The following RETREG1 variants were observed in gnomAD, a reference collection of about 807,000 sequenced individuals.
The protein encoded by RETREG1 is reticulophagy regulator 1.
Under a neutral mutation model 54.8 loss-of-function variants are expected in RETREG1, and 44 were observed. That is an observed-to-expected ratio of 0.80 (90% CI 0.63 to 1.03). The LOEUF is 1.03. Ranked by LOEUF, RETREG1 falls within the 50% of genes least tolerant of loss-of-function variation. The pLI is 0.00. For synonymous variants in RETREG1, 217 were observed against 238.5 expected (o/e 0.91, Z 0.83); for missense variants, 554 against 605.1 (o/e 0.92, Z 0.89).
At chr5:16,573,735 G>GTTTTTTTTTTTTTT (rs3993826) in intron 1 of RETREG1, among the ~76,000 whole-genome samples, 2 of 122,104 alleles carry the variant, frequency 1.6e-5, no homozygotes, top group Non-Finnish European at 3.4e-5. Flanking sequence ...GGGTTTGTTT[G>GTTTTTTTTTTTTTT]TTTTTTGTTT....
At chr5:16,604,810 A>G (rs1207447563) in intron 1 of RETREG1, among the ~76,000 whole-genome samples, 1 of 152,236 alleles carries the variant, frequency 6.6e-6, no homozygotes, top group African/African-American at 2.4e-5. Flanking sequence ...GCAAACAAAG[A>G]GCACTACACT....
intron 5 of RETREG1, among the ~76,000 whole-genome samples, 192 bp downstream of exon 5, chr5:16,480,817 C>T (rs947064382): frequency 7.9e-5 from 12 of 152,010 alleles, no homozygotes; most frequent in African/African-American, 2.7e-4. Flanking sequence ...CCTTTTGCAG[C>T]TATTCTTCCA....
intron 2 of RETREG1, among the ~76,000 whole-genome samples, chr5:16,566,498 A>G (rs1412435438): frequency 6.6e-6 from 1 of 152,238 alleles, no homozygotes; most frequent in Non-Finnish European, 1.5e-5. Flanking sequence ...ATGCAGCTCA[A>G]TGTAAGAAAT....
chr5:16,492,824 G>A (rs1426190804), intron 3 of RETREG1, among the ~76,000 whole-genome samples: 2 of 152,182 alleles, frequency 1.3e-5, no homozygotes, highest in Admixed American at 6.5e-5. Flanking sequence ...TTCTCTGCAT[G>A]AGCACTCACT....
chr5:16,530,476 T>C (rs995610446), intron 3 of RETREG1, among the ~76,000 whole-genome samples: 8 of 152,216 alleles, frequency 5.3e-5, no homozygotes, highest in African/African-American at 1.9e-4. Context: ...TAAATGTGTA[T>C]AAAGTGGCTT....
intron 3 of RETREG1, among the ~76,000 whole-genome samples, chr5:16,516,960 AAT>A (rs1491277873): frequency 5.9e-5 from 9 of 152,108 alleles, no homozygotes; most frequent in Non-Finnish European, 1.2e-4. Context: ...TGAAAAAAAA[AAT>A]CATAAGATTT....
chr5:16,541,819 G>A (rs971086933), intron 3 of RETREG1, among the ~76,000 whole-genome samples: 1 of 149,446 alleles, frequency 6.7e-6, no homozygotes. Flanking sequence ...GGGGAAGGTA[G>A]GTCAGATAGA....
chr5:16,577,868 C>G (rs146200857), intron 1 of RETREG1, among the ~76,000 whole-genome samples: 1 of 152,192 alleles, frequency 6.6e-6, no homozygotes, highest in African/African-American at 2.4e-5. Context: ...CGATGTAAGA[C>G]GTGTCTTTCA....
rs1388652656 is a variant in RETREG1, at chr5:16,594,552, C to CCATCTCTA, written c.320+22092_320+22099dup. On this transcript the variant is annotated intron_variant, in intron 1 of 8. Coordinates refer to ENST00000306320, the MANE Select transcript of RETREG1 (RefSeq NM_001034850.3). This position sits in a 1 kb window ranked among gnomAD's most constrained non-coding sequence, Gnocchi z 4.4. ...CCAGCCTCACCAACATGGCAAAACC[C>CCATCTCTA]CATCTCTACTAAAAATACAAAAATT... 6.6e-6 allele frequency among the ~76,000 whole-genome samples: 1 copy of CCATCTCTA among 151,878 alleles called. No homozygotes were observed. Among genetic ancestry groups the CCATCTCTA allele is most frequent in the Admixed American group, 6.6e-5 (1 of 15,250 alleles).
intron 3 of RETREG1, among the ~76,000 whole-genome samples, chr5:16,493,421 G>A (rs767190062): frequency 1.3e-5 from 2 of 152,160 alleles, no homozygotes; most frequent in Non-Finnish European, 2.9e-5. Context: ...GAGACCTGCA[G>A]GAGATTCAAC....
chr5:16,552,123 G>C (rs1741561851), intron 3 of RETREG1, among the ~76,000 whole-genome samples: 1 of 152,140 alleles, frequency 6.6e-6, no homozygotes, highest in Non-Finnish European at 1.5e-5. Context: ...GGACTTCTTT[G>C]GTGTGGATGG....
intron 1 of RETREG1, among the ~76,000 whole-genome samples, chr5:16,586,335 G>A (rs1401377501): frequency 6.6e-6 from 1 of 152,194 alleles, no homozygotes; most frequent in Non-Finnish European, 1.5e-5. Context: ...TCACAGCTAG[G>A]TGGAAGGTCT....
At chr5:16,558,293 G>T (rs2617421) in intron 3 of RETREG1, among the ~76,000 whole-genome samples, 53,651 of 151,826 alleles carry the variant, frequency 0.35, 10,493 homozygotes, top group Non-Finnish European at 0.44. Context: ...AACAAAGCGA[G>T]TTTGGCCCTT....
intron 1 of RETREG1, 79 bp downstream of exon 1, chr5:16,616,573 C>A (rs1331706953): frequency 4.2e-5 from 64 of 1,532,420 alleles, no homozygotes; most frequent in Non-Finnish European, 5.5e-5. Flanking sequence ...CGGGCTCCCC[C>A]TGCACTGGGT....
chr5:16,478,729 C>G (rs1738640995), intron 6 of RETREG1, 121 bp downstream of exon 6: 10 of 900,002 alleles, frequency 1.1e-5, no homozygotes, highest in Non-Finnish European at 1.8e-5. Flanking sequence ...GGGAGATTAG[C>G]TTCTATAATA....
chr5:16,541,735 GGGAGGGAAGGAAGGAAGGAA>G (rs1741252194), intron 3 of RETREG1, among the ~76,000 whole-genome samples: 1 of 94,870 alleles, frequency 1.1e-5, no homozygotes, highest in Non-Finnish European at 2.2e-5. Flanking sequence ...AAGAGAGGGA[GGGAGGGAAGGAAGGAAGGAA>G]GGAAGGAAGG....
chr5:16,582,791 G>A (rs1480206790), intron 1 of RETREG1, among the ~76,000 whole-genome samples: 2 of 152,086 alleles, frequency 1.3e-5, no homozygotes, highest in African/African-American at 4.8e-5. Flanking sequence ...TGCACTGGCC[G>A]CTCAGAAGCC....
At chr5:16,560,684 C>T (rs1166321038) in intron 3 of RETREG1, among the ~76,000 whole-genome samples, 1 of 152,230 alleles carries the variant, frequency 6.6e-6, no homozygotes, top group Non-Finnish European at 1.5e-5. Flanking sequence ...CCTAATCCCA[C>T]ATGGCTCACA....
In RETREG1 at chr5:16,491,182, G is replaced by T. The variant is rs892029850; in HGVS notation, c.459-7710C>A. ...TCCCCCTAGGACCCCATCCCATTAC[G>T]ATACCCTGCAAGGCAGGGTTATCTC... On this transcript the variant is annotated intron_variant, in intron 3 of 8. Coordinates refer to ENST00000306320, the MANE Select transcript of RETREG1 (RefSeq NM_001034850.3). Among the ~76,000 whole-genome samples, 4 of 152,240 alleles carry T rather than the reference G, an allele frequency of 2.6e-5. No individual in the cohort carries two copies. In the South Asian group the frequency reaches 8.3e-4, roughly 32 times the overall value.
Sources: allele counts gnomAD v4.1 joint callset (sites outside exome capture counted in the v4.1 genomes callset), GRCh38; gene constraint gnomAD v4.1.1; non-coding constraint Gnocchi (gnomAD v3.1); transcripts MANE v1.5; gene names NCBI Gene and HGNC (gene_info 2026-07-23, HGNC 2026-07-21).